The following GTSF1 variants were observed in gnomAD, a reference collection of about 807,000 sequenced individuals.
The protein encoded by GTSF1 is gametocyte-specific factor 1.
A neutral mutation model predicts 28.9 loss-of-function variants in GTSF1; 11 were observed. That is an observed-to-expected ratio of 0.38 (90% confidence interval 0.24 to 0.63). The LOEUF is 0.63. GTSF1 is among the 30% of genes least tolerant of loss of function. The pLI is 0.56. For missense variants in GTSF1, 146 were observed against 201.0 expected, an observed-to-expected ratio of 0.73 and a Z score of 1.66; for synonymous variants, 69 against 65.6, an observed-to-expected ratio of 1.05 and a Z score of -0.25.
chr12:54,467,920 C>A (rs11170914), intron 2 of GTSF1, among the ~76,000 whole-genome samples: 2 of 151,390 alleles, frequency 1.3e-5, no homozygotes, highest in African/African-American at 4.9e-5. Context: ...ATTACAGGCA[C>A]CCGCCACCAT....
At chr12:54,471,013 A>G (rs1231705537) in intron 2 of GTSF1, among the ~76,000 whole-genome samples, 1 of 152,196 alleles carries the variant, frequency 6.6e-6, no homozygotes, top group Non-Finnish European at 1.5e-5. Context: ...AGTTTAACAA[A>G]GGTGTCCTAA....
chr12:54,463,959 G>A (rs1956467136), intron 3 of GTSF1, among the ~76,000 whole-genome samples: 1 of 152,028 alleles, frequency 6.6e-6, no homozygotes, highest in Non-Finnish European at 1.5e-5. Context: ...ACAAAACAAA[G>A]GGTTTAGTAT....
At chr12:54,465,470 C>G (rs1956497461) in intron 2 of GTSF1, among the ~76,000 whole-genome samples, 1 of 152,070 alleles carries the variant, frequency 6.6e-6, no homozygotes, top group African/African-American at 2.4e-5. Context: ...ATCCTCTTTT[C>G]CTTTTCTAAA....
chr12:54,473,120 C>T (rs772621613), intron 1 of GTSF1, among the ~76,000 whole-genome samples: 1 of 152,080 alleles, frequency 6.6e-6, no homozygotes, highest in East Asian at 1.9e-4. Context: ...GGATTCTTTA[C>T]CTTTTCCCTA....
intron 1 of GTSF1, among the ~76,000 whole-genome samples, 198 bp from the exon 2 acceptor site, chr12:54,471,475 C>T (rs1040393077): frequency 1.3e-5 from 2 of 152,124 alleles, no homozygotes; most frequent in Non-Finnish European, 2.9e-5. Flanking sequence ...GCCTAATTCA[C>T]ATTCTTGGAA....
At chr12:54,471,161 A>G (rs2120805117) in intron 2 of GTSF1, 72 bp downstream of exon 2, 1 of 1,258,442 alleles carries the variant, frequency 7.9e-7, no homozygotes. Flanking sequence ...CAGCACACTA[A>G]AAGTCTTGTC....
intron 8 of GTSF1, among the ~76,000 whole-genome samples, chr12:54,456,538 A>G (rs1956333873): frequency 6.6e-6 from 1 of 152,200 alleles, no homozygotes; most frequent in Non-Finnish European, 1.5e-5. Flanking sequence ...AGCTTTTACA[A>G]TGTAAATTAG....
At chr12:54,470,471 TC>T (rs1301096134) in intron 2 of GTSF1, among the ~76,000 whole-genome samples, 7 of 152,232 alleles carry the variant, frequency 4.6e-5, no homozygotes, top group Admixed American at 3.3e-4. Flanking sequence ...ACTGGACTCT[TC>T]CTAGAGGGTA....
Position 54,462,781 on chromosome 12 carries a change from C to G in GTSF1, c.245-56G>C, listed in dbSNP as rs927076146. 7 of 1,396,836 alleles carry G rather than the reference C, an allele frequency of 5.0e-6. No homozygotes were observed. In the African/African-American group the frequency reaches 7.1e-5, roughly 14 times the overall value. The allele number at this position is 1,396,836 out of a possible 1,614,324, so 86.5% of individuals were successfully genotyped here. On this transcript the variant is annotated intron_variant, in intron 4 of 8. Coordinates refer to ENST00000305879, the MANE Select transcript of GTSF1 (RefSeq NM_144594.3). The stretch of plus-strand genomic sequence containing the variant: ...GGGGATATTGCCAAGTTATTGTGTT[C>G]AAAGGGGCTAGTAGCTTAAAAGGTT...
At chr12:54,469,548 C>T (rs975990845) in intron 2 of GTSF1, among the ~76,000 whole-genome samples, 9 of 151,280 alleles carry the variant, frequency 5.9e-5, no homozygotes, top group South Asian at 4.2e-4. Context: ...ATTAGCCAGG[C>T]GTTGTGGCAT....
At chr12:54,466,700 T>C (rs1243466596) in intron 2 of GTSF1, 2 of 152,118 alleles carry the variant, frequency 1.3e-5, no homozygotes, top group African/African-American at 2.4e-5. Flanking sequence ...TAGTAGCATA[T>C]GTCAGAGTTG....
chr12:54,456,772 T>C (rs1239727033), intron 8 of GTSF1, among the ~76,000 whole-genome samples: 2 of 152,320 alleles, frequency 1.3e-5, no homozygotes, highest in African/African-American at 4.8e-5. Flanking sequence ...TAGAGAATTC[T>C]ACAACAACAG....
intron 7 of GTSF1, chr12:54,459,380 T>G (rs1284636580): frequency 7.1e-7 from 1 of 1,404,384 alleles, no homozygotes; most frequent in Non-Finnish European, 9.3e-7. Context: ...GGAGAAACGT[T>G]TTAAAGTGAA....
chr12:54,471,374 A>G, intron 1 of GTSF1, 97 bp from the exon 2 acceptor site: 2 of 659,492 alleles, frequency 3.0e-6, no homozygotes, highest in Non-Finnish European at 5.0e-6. Flanking sequence ...GAAACTACCC[A>G]AGTTCAATAT....
chr12:54,462,260 ATACACC>A, intron 5 of GTSF1, 88 bp from the exon 6 acceptor site: 4 of 944,504 alleles, frequency 4.2e-6, no homozygotes, highest in Non-Finnish European at 5.1e-6. Context: ...ATGGGAAATA[ATACACC>A]TAAGTTTTGC....
intron 2 of GTSF1, among the ~76,000 whole-genome samples, chr12:54,467,697 A>G (rs1226369248): frequency 1.3e-5 from 2 of 151,982 alleles, no homozygotes; most frequent in Non-Finnish European, 2.9e-5. Context: ...GTCACTACAT[A>G]TAAGAAATAT....
At chr12:54,471,348 A>T (rs1055507417) in intron 1 of GTSF1, 71 bp from the exon 2 acceptor site, 3 of 1,053,600 alleles carry the variant, frequency 2.8e-6, no homozygotes, top group Non-Finnish European at 4.1e-6. Context: ...TAAGAAGTGG[A>T]GTCACTTCTG....
At chr12:54,470,629 C>T (rs1956582482) in intron 2 of GTSF1, among the ~76,000 whole-genome samples, 1 of 152,144 alleles carries the variant, frequency 6.6e-6, no homozygotes, top group Admixed American at 6.5e-5. Flanking sequence ...TAGTCAGAGC[C>T]TAGAACAGAG....
At chr12:54,473,039 G>A (rs1956609831) in intron 1 of GTSF1, among the ~76,000 whole-genome samples, 1 of 151,988 alleles carries the variant, frequency 6.6e-6, no homozygotes, top group African/African-American at 2.4e-5. Flanking sequence ...GTACACTAGG[G>A]GCACTGGAAT....
Sources: gnomAD v4.1 joint callset for allele counts (sites outside exome capture counted in the v4.1 genomes callset) on GRCh38, gnomAD v4.1.1 for gene constraint, MANE v1.5 for transcripts, NCBI Gene and HGNC (gene_info 2026-07-23, HGNC 2026-07-21) for gene names.